Variants in GJC2 observed in about 807,000 individuals in gnomAD.
GJC2 encodes the protein gap junction protein gamma 2, also known as gap junction gamma-2 protein.
For missense variants in GJC2, 647 were observed against 648.9 expected (o/e 1.00, Z 0.03); for synonymous variants, 336 against 307.5 (o/e 1.09, Z -0.97).
In GJC2 at chr1:228,158,767, G is replaced by T. The variant is rs1194224756; in HGVS notation, c.1009G>T (p.Val337Leu). Reference sequence around the variant, plus strand: ...CTGCCCGCCCGACTACAGCCTGGTGGTGCGGGCGGCCGAGCGCGCTCGGGC... The same window carrying T: ...CTGCCCGCCCGACTACAGCCTGGTGTTGCGGGCGGCCGAGCGCGCTCGGGC... ...LACPPDYSLV[V>L]RAAERARAHD... The change falls in exon 2 of 2, where the codon GTG becomes TTG. Residue 337 changes from valine (V) to leucine (L), a missense_variant. Physicochemically the swap from Val to Leu is conservative, Grantham distance 32. Coordinates refer to ENST00000366714, the MANE Select transcript of GJC2 (RefSeq NM_020435.4). This position sits in a 1 kb window ranked among gnomAD's most constrained non-coding sequence, Gnocchi z 8.3. The T allele has an allele frequency of 1.8e-5, 25 of 1,399,550 alleles. No individual in the cohort carries two copies. Among genetic ancestry groups the T allele is most frequent in the Non-Finnish European group, 1.9e-5 (21 of 1,077,054 alleles). 86.7% of individuals were successfully genotyped at this position (1,399,550 alleles called of 1,614,324 possible).
rs2034720663 is a variant in GJC2 at position 228,158,514 on chromosome 1, C to T, written c.756C>T (p.His252=). The T allele has an allele frequency of 6.2e-7, 1 of 1,612,842 alleles. No individual in the cohort carries two copies. Among genetic ancestry groups the T allele is most frequent in the Admixed American group, 1.7e-5 (1 of 59,988 alleles). ...CCTGCAGCCGCCAGCCCTGCCCGCA[C>T]GTGGTGGACTGCTTCGTGTCGCGCC... The part of the protein sequence containing the change: ...FFPCSRQPCP[H]VVDCFVSRPT... The change falls in exon 2 of 2, where the codon CAC becomes CAT. Residue 252 remains histidine, a synonymous_variant. Transcript: ENST00000366714. The surrounding 1 kb of genome is among the most constrained non-coding windows in gnomAD (Gnocchi z 8.3).
rs1040775898 is a variant in GJC2 at position 228,152,174 on chromosome 1, G to A, written c.-20+2167G>A. On this transcript the variant is annotated intron_variant, in intron 1 of 1. Coordinates refer to ENST00000366714, the MANE Select transcript of GJC2 (RefSeq NM_020435.4). The surrounding 1 kb of genome is among the most constrained non-coding windows in gnomAD (Gnocchi z 7.3). ...AGCGACAGCACAGTGCCTGCCATGC[G>A]CTGGGGTACCATCATTTTCGGGGAA... Among the ~76,000 whole-genome samples, 2 of 152,094 alleles carry A rather than the reference G, an allele frequency of 1.3e-5. No individual in the cohort carries two copies. Among genetic ancestry groups the A allele is most frequent in the Non-Finnish European group, 2.9e-5 (2 of 67,990 alleles).
chr1:228,158,116 C>A lies in GJC2; in HGVS notation c.358C>A (p.Pro120Thr). ...CCGCGCCCTCCGCCGCCGCCCGGGG[C>A]CACGCCGCGCGCCCCGAGCGCACCT... is the stretch of plus-strand genomic sequence containing the variant. ...RRRALRRRPG[P>T]RRAPRAHLPP... Residue 120 changes from proline to threonine, a missense_variant, in exon 2 of 2, where the codon CCA becomes ACA. By Grantham distance (38) the Pro-to-Thr change is conservative. Coordinates refer to ENST00000366714, the MANE Select transcript of GJC2 (RefSeq NM_020435.4). This position sits in a 1 kb window ranked among gnomAD's most constrained non-coding sequence, Gnocchi z 8.3. The A allele has an allele frequency of 8.0e-7, 1 of 1,252,288 alleles. No individual in the cohort carries two copies. The highest frequency in any genetic ancestry group is 2.0e-5 in the South Asian group (1 of 49,938). 77.6% of individuals were successfully genotyped at this position (1,252,288 alleles called of 1,614,324 possible).
chr1:228,157,053 T>C (rs1444197876), intron 1 of GJC2, among the ~76,000 whole-genome samples: 1 of 151,864 alleles, frequency 6.6e-6, no homozygotes. Flanking sequence ...CCTGGGACCC[T>C]GGGCACCTGA....
In GJC2 at chr1:228,159,067, G is replaced by C. The variant is rs2034735229; in HGVS notation, c.1309G>C (p.Val437Leu). The C allele has an allele frequency of 6.2e-7, 1 of 1,610,422 alleles. No homozygotes were observed. Among genetic ancestry groups the C allele is most frequent in the Admixed American group, 1.7e-5 (1 of 59,982 alleles). The part of the protein sequence containing the change: ...SASSRDGKTT[V>L]WI ...CAGCAGCAGGGACGGGAAGACCACC[G>C]TGTGGATCTGAGGGCGCTGGCTTGC... is the stretch of plus-strand genomic sequence containing the variant. Residue 437 changes from valine to leucine, a missense_variant, in exon 2 of 2, where the codon GTG (valine) becomes CTG (leucine). By Grantham distance (32) the Val-to-Leu change is conservative. Transcript: ENST00000366714. This position sits in a 1 kb window ranked among gnomAD's most constrained non-coding sequence, Gnocchi z 4.0.
Position 228,159,358 on chromosome 1 carries a change from C to G in GJC2, c.*280C>G. 1 of 491,326 alleles carries G rather than the reference C, an allele frequency of 2.0e-6. No homozygotes were observed. The highest frequency in any genetic ancestry group is 3.8e-6 in the Non-Finnish European group (1 of 266,308). The allele number at this position is 491,326 out of a possible 1,614,324, so 30.4% of individuals were successfully genotyped here. A position where few individuals can be genotyped will look rare whatever the true frequency, so the allele number is the denominator to read the frequency against. On this transcript the variant is annotated 3_prime_UTR_variant, in exon 2 of 2. Transcript: ENST00000366714. This position sits in a 1 kb window ranked among gnomAD's most constrained non-coding sequence, Gnocchi z 4.0. Reference sequence around the variant, plus strand: ...GGGGGAGTGGGGCATTGACTCCACCCCTGTCCTGAGCTGGAATAGGTCCTC... The same window carrying G: ...GGGGGAGTGGGGCATTGACTCCACCGCTGTCCTGAGCTGGAATAGGTCCTC...
At position 228,158,001 on chromosome 1, in the gene GJC2, C is replaced by G. The variant is rs1441556126; in HGVS notation, c.243C>G (p.Val81=). The stretch of plus-strand genomic sequence containing the variant: ...CCCTGTCGCACGTGCGCTTCTGGGT[C>G]TTCCAGATTGTGGTCATCTCCACGC... The part of the protein sequence containing the change: ...FAPLSHVRFW[V]FQIVVISTPS... The change falls in exon 2 of 2, where the codon GTC becomes GTG. Residue 81 remains valine (V), a synonymous_variant. Transcript: ENST00000366714. This position sits in a 1 kb window ranked among gnomAD's most constrained non-coding sequence, Gnocchi z 8.3. The G allele has an allele frequency of 3.7e-6, 6 of 1,612,150 alleles. No homozygotes were observed. The highest frequency in any genetic ancestry group is 5.1e-6 in the Non-Finnish European group (6 of 1,179,710).
At position 228,157,854 on chromosome 1, in the gene GJC2, G is replaced by T. The variant is rs769772220; in HGVS notation, c.96G>T (p.Val32=). 6.2e-7 allele frequency: 1 copy of T among 1,610,232 alleles called. No individual in the cohort carries two copies. The highest frequency in any genetic ancestry group is 1.7e-5 in the Admixed American group (1 of 59,758). Residue 32 remains valine (V), a synonymous_variant, in exon 2 of 2, where the codon GTG becomes GTT. Coordinates refer to ENST00000366714, the MANE Select transcript of GJC2 (RefSeq NM_020435.4). ...GCAAGGTGTGGCTCACGGTGCTGGT[G>T]GTCTTCCGCATCGTGCTGACGGCTG... The part of the protein sequence containing the change: ...FVGKVWLTVL[V]VFRIVLTAVG...
intron 1 of GJC2, among the ~76,000 whole-genome samples, chr1:228,154,756 G>A (rs1362645502): frequency 2.0e-5 from 3 of 152,240 alleles, no homozygotes; most frequent in Non-Finnish European, 4.4e-5. Flanking sequence ...TGCTCAGAGG[G>A]ATCCAGTCTC....
At chr1:228,157,689 C>A in intron 1 of GJC2, 51 bp from the exon 2 acceptor site, 1 of 1,109,298 alleles carries the variant, frequency 9.0e-7, no homozygotes, top group Non-Finnish European at 1.3e-6. Context: ...GCTCTGAGCG[C>A]CGCGGGCTCC....
Position 228,159,097 on chromosome 1 carries a change from T to C in GJC2, c.*19T>C. 1 of 1,607,998 alleles carries C rather than the reference T, an allele frequency of 6.2e-7. No individual in the cohort carries two copies. The highest frequency in any genetic ancestry group is 8.5e-7 in the Non-Finnish European group (1 of 1,178,524). On this transcript the variant is annotated 3_prime_UTR_variant, in exon 2 of 2. Coordinates refer to ENST00000366714, the MANE Select transcript of GJC2 (RefSeq NM_020435.4). This position sits in a 1 kb window ranked among gnomAD's most constrained non-coding sequence, Gnocchi z 4.0. ...GATCTGAGGGCGCTGGCTTGCGAGC[T>C]GGGCCAGGGAGGAGGAGGGTTGGGG...
At chr1:228,153,594 T>A (rs1417012548) in intron 1 of GJC2, among the ~76,000 whole-genome samples, 1 of 145,330 alleles carries the variant, frequency 6.9e-6, no homozygotes, top group Non-Finnish European at 1.5e-5. Flanking sequence ...TTTTTTTTTT[T>A]TTTTTTTGAG....
intron 1 of GJC2, among the ~76,000 whole-genome samples, chr1:228,154,850 T>C (rs2034660957): frequency 6.6e-6 from 1 of 152,226 alleles, no homozygotes; most frequent in Non-Finnish European, 1.5e-5. Context: ...CTTCTGTACA[T>C]TCCCAGCCCC....
rs905081924 is a variant in GJC2 at position 228,152,083 on chromosome 1, G to A, written c.-20+2076G>A. Reference sequence around the variant, plus strand: ...CTGCAGTGGAGTGCAGGGGAAGGAGGGGACTGTGCCTGCAGGAGCTCCAGG... The same window carrying A: ...CTGCAGTGGAGTGCAGGGGAAGGAGAGGACTGTGCCTGCAGGAGCTCCAGG... On this transcript the variant is annotated intron_variant, in intron 1 of 1. Transcript: ENST00000366714. This position sits in a 1 kb window ranked among gnomAD's most constrained non-coding sequence, Gnocchi z 7.3. 1.1e-4 allele frequency among the ~76,000 whole-genome samples: 16 copies of A among 152,130 alleles called. No homozygotes were observed. The highest frequency in any genetic ancestry group is 4.4e-5 in the Non-Finnish European group (3 of 67,988).
rs772784381 is a variant in GJC2, at chr1:228,157,902, G to C, written c.144G>C (p.Ser48=). The change falls in exon 2 of 2, where the codon TCG becomes TCC. Residue 48 remains serine, a synonymous_variant. Transcript: ENST00000366714. The part of the protein sequence containing the change: ...LTAVGGEAIY[S]DEQAKFTCNT... ...CTGTGGGCGGCGAGGCCATCTACTCGGACGAGCAGGCCAAGTTCACTTGCA... is the reference window on the plus strand; with the variant it reads ...CTGTGGGCGGCGAGGCCATCTACTCCGACGAGCAGGCCAAGTTCACTTGCA... The C allele has an allele frequency of 3.1e-6, 5 of 1,612,502 alleles. No homozygotes were observed. Among genetic ancestry groups the C allele is most frequent in the Non-Finnish European group, 4.2e-6 (5 of 1,179,840 alleles).
At position 228,159,198 on chromosome 1, in the gene GJC2, A is replaced by C. The variant is rs2034738134; in HGVS notation, c.*120A>C. 8.5e-7 allele frequency: 1 copy of C among 1,170,744 alleles called. No individual in the cohort carries two copies. The highest frequency in any genetic ancestry group is 1.2e-6 in the Non-Finnish European group (1 of 821,634). The allele number at this position is 1,170,744 out of a possible 1,614,324, so 72.5% of individuals were successfully genotyped here. Reference sequence around the variant, plus strand: ...GTGGCCTCAGGCAGACTCTGCCCAGAGGGGCAGCCAGGCTGCTCAGGGAAG... The same window carrying C: ...GTGGCCTCAGGCAGACTCTGCCCAGCGGGGCAGCCAGGCTGCTCAGGGAAG... On this transcript the variant is annotated 3_prime_UTR_variant, in exon 2 of 2. Transcript: ENST00000366714. The surrounding 1 kb of genome is among the most constrained non-coding windows in gnomAD (Gnocchi z 4.0).
In GJC2 at chr1:228,158,907, G is replaced by C. The variant is rs759208216; in HGVS notation, c.1149G>C (p.Gly383=). 22 of 1,489,592 alleles carry C rather than the reference G, an allele frequency of 1.5e-5. No homozygotes were observed. Among genetic ancestry groups the C allele is most frequent in the Admixed American group, 4.7e-5 (2 of 42,252 alleles). The allele number at this position is 1,489,592 out of a possible 1,614,324, so 92.3% of individuals were successfully genotyped here. The change falls in exon 2 of 2, where the codon GGG becomes GGC. Residue 383 remains glycine (G), a synonymous_variant. Coordinates refer to ENST00000366714, the MANE Select transcript of GJC2 (RefSeq NM_020435.4). The surrounding 1 kb of genome is among the most constrained non-coding windows in gnomAD (Gnocchi z 8.3). The part of the protein sequence containing the change: ...PCVGLPAASR[G]PPRAGAPASR... ...TCGGCCTCCCTGCGGCCTCCCGGGG[G>C]CCCCCCAGAGCAGGCGCCCCCGCGT...
chr1:228,153,376 G>A (rs372055109), intron 1 of GJC2, among the ~76,000 whole-genome samples: 16 of 111,826 alleles, frequency 1.4e-4, no homozygotes, highest in African/African-American at 3.2e-4. Context: ...GCGACAGAGC[G>A]AGACCCCATC....
intron 1 of GJC2, among the ~76,000 whole-genome samples, chr1:228,154,308 T>C (rs2034655789): frequency 1.3e-5 from 2 of 152,290 alleles, no homozygotes; most frequent in African/African-American, 4.8e-5. Context: ...CCGGATGTTC[T>C]GTAGCATGCC....
Sources: allele counts gnomAD v4.1 joint callset (sites outside exome capture counted in the v4.1 genomes callset), GRCh38; gene constraint gnomAD v4.1.1; non-coding constraint Gnocchi (gnomAD v3.1); transcripts MANE v1.5; gene names NCBI Gene and HGNC (gene_info 2026-07-23, HGNC 2026-07-21).